Variants in ADARB2 observed in about 807,000 individuals in gnomAD.
ADARB2 encodes inactive double-stranded RNA-specific editase B2.
Under a neutral mutation model 62.2 loss-of-function variants are expected in ADARB2, and 25 were observed. That is an observed-to-expected ratio of 0.40 (90% confidence interval 0.29 to 0.56). The LOEUF (loss-of-function observed/expected upper bound fraction) is 0.56. Among genes scored for constraint, ADARB2 ranks in the 20% least tolerant of loss-of-function variants. The pLI, the probability that ADARB2 is intolerant of heterozygous loss-of-function variation, is 0.43. For missense variants in ADARB2, 1,071 were observed against 1,077.4 expected, an observed-to-expected ratio of 0.99 and a Z score of 0.08; for synonymous variants, 572 against 500.8, an observed-to-expected ratio of 1.14 and a Z score of -1.90.
In ADARB2 at chr10:1,519,970, C is replaced by T. The variant is rs137872474; in HGVS notation, c.101-140810G>A. 1.8e-3 allele frequency among the ~76,000 whole-genome samples: 269 copies of T among 152,318 alleles called. 1 individual carries two copies. The highest frequency in any genetic ancestry group is 5.9e-3 in the African/African-American group (246 of 41,568). On this transcript the variant is annotated intron_variant, in intron 1 of 9. Coordinates refer to ENST00000381312, the MANE Select transcript of ADARB2 (RefSeq NM_018702.4). Reference sequence around the variant, plus strand: ...AGAAGCTCACACACCCTGGGCAAATCCTTTCCTCTAGAATGAGTCCCTTGC... The same window carrying T: ...AGAAGCTCACACACCCTGGGCAAATTCTTTCCTCTAGAATGAGTCCCTTGC...
intron 6 of ADARB2, among the ~76,000 whole-genome samples, chr10:1,223,840 A>G (rs908750414): frequency 4.6e-4 from 70 of 152,156 alleles, no homozygotes; most frequent in Non-Finnish European, 9.0e-4. Context: ...TTTTATTGAG[A>G]ATTTTTGCAT....
rs759370232 is a variant in ADARB2, at chr10:1,255,649, G to A, written c.1193-13350C>T. On this transcript the variant is annotated intron_variant, in intron 4 of 9. Coordinates refer to ENST00000381312, the MANE Select transcript of ADARB2 (RefSeq NM_018702.4). This position sits in a 1 kb window ranked among gnomAD's most constrained non-coding sequence, Gnocchi z 4.7. ...ACTTCTCCAAACCTGATGGGCTGTCGGTGAGGTTAGAGGTAAGAGGGAGGA... is the reference window on the plus strand; with the variant it reads ...ACTTCTCCAAACCTGATGGGCTGTCAGTGAGGTTAGAGGTAAGAGGGAGGA... Among the ~76,000 whole-genome samples, 11 of 152,186 alleles carry A rather than the reference G, an allele frequency of 7.2e-5. No homozygotes were observed. The highest frequency in any genetic ancestry group is 1.9e-4 in the African/African-American group (8 of 41,442).
intron 1 of ADARB2, among the ~76,000 whole-genome samples, chr10:1,458,798 G>T (rs1188970662): frequency 6.6e-6 from 1 of 152,188 alleles, no homozygotes; most frequent in Non-Finnish European, 1.5e-5. Context: ...TTCCTCATGT[G>T]TACATTTCTA....
chr10:1,205,781 G>A (rs770202087), intron 7 of ADARB2, among the ~76,000 whole-genome samples: 68 of 152,378 alleles, frequency 4.5e-4, no homozygotes, highest in East Asian at 1.9e-4. Flanking sequence ...CGTGTTCTGC[G>A]TGGTGGCCGG....
chr10:1,554,803 C>T (rs1832676894), intron 1 of ADARB2, among the ~76,000 whole-genome samples: 1 of 152,202 alleles, frequency 6.6e-6, no homozygotes, highest in East Asian at 1.9e-4. Flanking sequence ...CCGGGGTATA[C>T]TGTGTGACGC....
At chr10:1,642,753 GCA>G (rs1833993607) in intron 1 of ADARB2, among the ~76,000 whole-genome samples, 1 of 151,462 alleles carries the variant, frequency 6.6e-6, no homozygotes, top group East Asian at 1.9e-4. Context: ...ACACTCACAT[GCA>G]CACACACTCA....
rs1464090124 is a variant in ADARB2, at chr10:1,477,542, G to C, written c.101-98382C>G. The stretch of plus-strand genomic sequence containing the variant: ...TGCCTTCTTTACCCACGACTGTCTT[G>C]GTAAATTCTTTTACCACCCGTGACA... On this transcript the variant is annotated intron_variant, in intron 1 of 9. Coordinates refer to ENST00000381312, the MANE Select transcript of ADARB2 (RefSeq NM_018702.4). This position sits in a 1 kb window ranked among gnomAD's most constrained non-coding sequence, Gnocchi z 4.5. Among the ~76,000 whole-genome samples the C allele has an allele frequency of 2.0e-5, 3 of 152,044 alleles. No individual in the cohort carries two copies. The highest frequency in any genetic ancestry group is 7.3e-5 in the African/African-American group (3 of 41,376).
At chr10:1,694,465 C>G (rs2119130541) in intron 1 of ADARB2, among the ~76,000 whole-genome samples, 1 of 152,248 alleles carries the variant, frequency 6.6e-6, no homozygotes, top group East Asian at 1.9e-4. Context: ...CTTAATTGAA[C>G]ACAAATCAGG....
At chr10:1,274,239 A>C (rs891136040) in intron 3 of ADARB2, among the ~76,000 whole-genome samples, 22 of 152,256 alleles carry the variant, frequency 1.4e-4, no homozygotes, top group Middle Eastern at 3.2e-3. Flanking sequence ...ACACTTCCCC[A>C]GCTCAGGCAG....
intron 1 of ADARB2, among the ~76,000 whole-genome samples, chr10:1,471,394 A>G (rs1306570977): frequency 2.1e-5 from 3 of 145,922 alleles, no homozygotes; most frequent in African/African-American, 7.5e-5. Flanking sequence ...CCTTTGTACA[A>G]TTTTTTTTTT....
At chr10:1,293,604 A>T (rs1345343894) in intron 3 of ADARB2, among the ~76,000 whole-genome samples, 1 of 152,212 alleles carries the variant, frequency 6.6e-6, no homozygotes, top group Admixed American at 6.5e-5. Flanking sequence ...CCAGTTTCTG[A>T]TAAAACCAAA....
At chr10:1,385,170 A>T (rs976497932) in intron 1 of ADARB2, among the ~76,000 whole-genome samples, 1 of 152,156 alleles carries the variant, frequency 6.6e-6, no homozygotes, top group African/African-American at 2.4e-5. Flanking sequence ...AAGAAAACTC[A>T]AGGAACACCG....
chr10:1,456,262 C>T (rs1486984348), intron 1 of ADARB2, among the ~76,000 whole-genome samples: 2 of 152,140 alleles, frequency 1.3e-5, no homozygotes, highest in Non-Finnish European at 2.9e-5. Context: ...AATACTGGGA[C>T]CAGCAAAAGG....
At chr10:1,225,546 G>A (rs968365136) in intron 6 of ADARB2, among the ~76,000 whole-genome samples, 2 of 152,156 alleles carry the variant, frequency 1.3e-5, no homozygotes, top group African/African-American at 4.8e-5. Context: ...GCAGTGGCTG[G>A]TACCGGTTGT....
At chr10:1,626,143 T>C (rs1833765565) in intron 1 of ADARB2, among the ~76,000 whole-genome samples, 1 of 143,312 alleles carries the variant, frequency 7.0e-6, no homozygotes, top group African/African-American at 2.7e-5. Context: ...CCATGCTCTC[T>C]CCTGCATGGA....
At chr10:1,653,219 G>A (rs936249244) in intron 1 of ADARB2, among the ~76,000 whole-genome samples, 7 of 152,212 alleles carry the variant, frequency 4.6e-5, no homozygotes, top group African/African-American at 1.2e-4. Flanking sequence ...AGGAGATGGC[G>A]AGGAGGGAGA....
chr10:1,365,337 G>A (rs2820613), intron 2 of ADARB2, among the ~76,000 whole-genome samples: 8,457 of 152,038 alleles, frequency 0.056, 802 homozygotes, highest in African/African-American at 0.19. Context: ...TGTTCCCACC[G>A]CTCCACGGAC....
At chr10:1,300,821 A>G (rs745313888) in intron 3 of ADARB2, among the ~76,000 whole-genome samples, 1 of 152,180 alleles carries the variant, frequency 6.6e-6, no homozygotes, top group African/African-American at 2.4e-5. Context: ...AGATATTACA[A>G]CCCCACTTGT....
At chr10:1,648,390 A>G (rs1297628049) in intron 1 of ADARB2, among the ~76,000 whole-genome samples, 1 of 152,190 alleles carries the variant, frequency 6.6e-6, no homozygotes, top group African/African-American at 2.4e-5. Flanking sequence ...CTCCTCAAGC[A>G]TCCCCAGGAC....
Sources: allele counts gnomAD v4.1 joint callset (sites outside exome capture counted in the v4.1 genomes callset), GRCh38; gene constraint gnomAD v4.1.1; non-coding constraint Gnocchi (gnomAD v3.1); transcripts MANE v1.5; gene names NCBI Gene and HGNC (gene_info 2026-07-23, HGNC 2026-07-21).